HBS1L: variants seen among roughly 807,000 people sequenced by gnomAD.
The protein encoded by HBS1L is HBS1 like translational GTPase.
A neutral mutation model predicts 88.9 loss-of-function variants in HBS1L; 55 were observed. That is an observed-to-expected ratio of 0.62 (90% CI 0.50 to 0.77). HBS1L has a LOEUF of 0.77. HBS1L is among the 30% of genes least tolerant of loss of function. The pLI, the probability that HBS1L is intolerant of heterozygous loss-of-function variation, is 0.00. For synonymous variants in HBS1L, 267 were observed against 288.5 expected (o/e 0.93, Z 0.76); for missense variants, 741 against 829.3 (o/e 0.89, Z 1.31).
At chr6:135,048,308 T>C (rs1313860913) in intron 2 of HBS1L, among the ~76,000 whole-genome samples, 1 of 152,178 alleles carries the variant, frequency 6.6e-6, no homozygotes, top group Non-Finnish European at 1.5e-5. Context: ...CAGAACCAGC[T>C]TCAATTTGCC....
chr6:134,989,218 T>C (rs893111302), intron 8 of HBS1L, among the ~76,000 whole-genome samples: 6 of 152,222 alleles, frequency 3.9e-5, no homozygotes, highest in African/African-American at 1.4e-4. Flanking sequence ...TTCTTATCAA[T>C]TATTTCTGTC....
chr6:135,054,673 C>A lies in HBS1L; in HGVS notation c.19G>T (p.Val7Phe). 6.2e-7 allele frequency: 1 copy of A among 1,614,272 alleles called. No homozygotes were observed. Residue 7 changes from valine to phenylalanine, a missense_variant, in exon 1 of 18, where the codon GTT becomes TTT. Physicochemically the swap from Val to Phe is conservative, Grantham distance 50. This residue lies in a region of HBS1L where 556 missense variants were observed against 598.4 expected (regional missense o/e 0.93). Transcript: ENST00000367837. ...CCTTCATCGTAGTTATAGCCTCGAA[C>A]ATTCCGATGCCGGGCCATGACGGCG... is the stretch of plus-strand genomic sequence containing the variant. MARHRN[V>F]RGYNYDEDFE...
rs1208390209 is a variant in HBS1L, at chr6:134,961,598, T to A, written c.*3681A>T. ...ATGGGTGACTGTTGCTTCTTTCCTT[T>A]CCTCCCACCCACAACATAAAAATTA... On this transcript the variant is annotated 3_prime_UTR_variant, in exon 18 of 18. Transcript: ENST00000367837. The A allele has an allele frequency of 6.6e-6, 1 of 152,066 alleles. No individual in the cohort carries two copies. The highest frequency in any genetic ancestry group is 1.5e-5 in the Non-Finnish European group (1 of 68,020). 9.4% of individuals were successfully genotyped at this position (152,066 alleles called of 1,614,324 possible).
rs969836520 is a variant in HBS1L, at chr6:135,042,055, G to A, written c.181C>T (p.Leu61=). 6.2e-7 allele frequency: 1 copy of A among 1,612,642 alleles called. No homozygotes were observed. The highest frequency in any genetic ancestry group is 1.7e-5 in the Admixed American group (1 of 59,986). ...GAAACAGAATTGGAAGATTCTTTCA[G>A]ATCTTCATAATCATATTCTTCCACA... ...EPVEEYDYED[L]KESSNSVSNH... The change falls in exon 3 of 18, where the codon CTG becomes TTG. Residue 61 remains leucine, a synonymous_variant. Coordinates refer to ENST00000367837, the MANE Select transcript of HBS1L (RefSeq NM_006620.4).
At chr6:135,003,172 T>C (rs1245188335) in intron 4 of HBS1L, among the ~76,000 whole-genome samples, 1 of 152,146 alleles carries the variant, frequency 6.6e-6, no homozygotes, top group African/African-American at 2.4e-5. Context: ...ACCTAGACCC[T>C]ATACCTCCCT....
At chr6:135,015,618 G>C (rs565054446) in intron 4 of HBS1L, among the ~76,000 whole-genome samples, 1 of 152,210 alleles carries the variant, frequency 6.6e-6, no homozygotes, top group African/African-American at 2.4e-5. Flanking sequence ...GTCTCGTTCT[G>C]TTGCCCAGGC....
chr6:134,971,488 A>G (rs2114749879), intron 15 of HBS1L, among the ~76,000 whole-genome samples: 1 of 152,318 alleles, frequency 6.6e-6, no homozygotes, highest in Non-Finnish European at 1.5e-5. Flanking sequence ...AAGTTCTTCT[A>G]CCCTTGGTGA....
intron 2 of HBS1L, among the ~76,000 whole-genome samples, chr6:135,045,306 T>G (rs1491001876): frequency 6.6e-6 from 1 of 152,238 alleles, no homozygotes; most frequent in Non-Finnish European, 1.5e-5. Flanking sequence ...CAAACTTTGA[T>G]GGAAGTGCCT....
At chr6:135,018,137 G>A (rs2114849792) in intron 4 of HBS1L, among the ~76,000 whole-genome samples, 1 of 151,928 alleles carries the variant, frequency 6.6e-6, no homozygotes, top group South Asian at 2.1e-4. Flanking sequence ...AGAAATCAGT[G>A]CTAAATTTCC....
At chr6:134,988,982 C>T (rs1345489939) in intron 8 of HBS1L, among the ~76,000 whole-genome samples, 3 of 152,148 alleles carry the variant, frequency 2.0e-5, no homozygotes, top group African/African-American at 7.2e-5. Flanking sequence ...CCTGTGTGGA[C>T]CATCTTGTGA....
chr6:135,001,510 C>A (rs1188833208), intron 5 of HBS1L, among the ~76,000 whole-genome samples: 1 of 151,602 alleles, frequency 6.6e-6, no homozygotes, highest in South Asian at 2.1e-4. Flanking sequence ...TGTAAAAATC[C>A]CATAATAGAA....
At chr6:134,975,110 G>A (rs951948565) in intron 15 of HBS1L, among the ~76,000 whole-genome samples, 1 of 152,020 alleles carries the variant, frequency 6.6e-6, no homozygotes, top group East Asian at 1.9e-4. Context: ...CACCAACAAC[G>A]ATCAAGCTGA....
At chr6:135,037,605 TA>T in intron 4 of HBS1L, 1 of 1,548,034 alleles carries the variant, frequency 6.5e-7, no homozygotes, top group South Asian at 1.2e-5. Flanking sequence ...TTATGGTCTT[TA>T]AATCTGGTAT....
intron 4 of HBS1L, among the ~76,000 whole-genome samples, chr6:135,016,960 G>A (rs1436983223): frequency 6.6e-6 from 1 of 152,166 alleles, no homozygotes; most frequent in Non-Finnish European, 1.5e-5. Context: ...ATGCTGACAA[G>A]TGTTCTCTCA....
chr6:134,969,105 C>T lies in HBS1L; in HGVS notation c.1898+133G>A, dbSNP rs977120302. On this transcript the variant is annotated intron_variant, in intron 16 of 17. Coordinates refer to ENST00000367837, the MANE Select transcript of HBS1L (RefSeq NM_006620.4). ...TTTTTATGTTTGTTTTAATCTAGCC[C>T]TTGAAAAAATAATTTCTGGAACAAG... 6.3e-6 allele frequency: 4 copies of T among 635,190 alleles called. No homozygotes were observed. In the East Asian group the frequency reaches 1.1e-4, roughly 18 times the overall value. The allele number at this position is 635,190 out of a possible 1,614,324, so 39.3% of individuals were successfully genotyped here. A position where few individuals can be genotyped will look rare whatever the true frequency, so the allele number is the denominator to read the frequency against.
chr6:134,977,873 TAA>T (rs907411699), intron 15 of HBS1L, among the ~76,000 whole-genome samples: 2 of 152,004 alleles, frequency 1.3e-5, no homozygotes, highest in African/African-American at 4.8e-5. Context: ...ACAAAAACTA[TAA>T]GAGTACGGTC....
rs546589091 is a variant in HBS1L at position 134,965,213 on chromosome 6, C to T, written c.*66G>A. On this transcript the variant is annotated 3_prime_UTR_variant, in exon 18 of 18. Coordinates refer to ENST00000367837, the MANE Select transcript of HBS1L (RefSeq NM_006620.4). ...GCACATTGTTCCTTTGACTTAATAA[C>T]TGCATTCTTGAAACAGAGGTTAGCT... is the stretch of plus-strand genomic sequence containing the variant. 5.5e-6 allele frequency: 7 copies of T among 1,269,756 alleles called. No individual in the cohort carries two copies. In the Admixed American group the frequency reaches 1.0e-4, roughly 19 times the overall value. The allele number at this position is 1,269,756 out of a possible 1,614,324, so 78.7% of individuals were successfully genotyped here. A position where few individuals can be genotyped will look rare whatever the true frequency, so the allele number is the denominator to read the frequency against.
chr6:135,026,649 A>G (rs150734997), intron 4 of HBS1L, among the ~76,000 whole-genome samples: 126 of 152,306 alleles, frequency 8.3e-4, no homozygotes, highest in African/African-American at 2.9e-3. Context: ...AAAAGAAGGG[A>G]TGAATAAAAC....
chr6:134,991,031 A>C (rs1427991033), intron 8 of HBS1L, among the ~76,000 whole-genome samples: 2 of 150,966 alleles, frequency 1.3e-5, no homozygotes, highest in Non-Finnish European at 2.9e-5. Flanking sequence ...ATAAGTAATC[A>C]ATGAAAAAAA....
Sources: allele counts gnomAD v4.1 joint callset (sites outside exome capture counted in the v4.1 genomes callset), GRCh38; gene constraint gnomAD v4.1.1; regional missense constraint gnomAD v4.1.1; transcripts MANE v1.5; gene names NCBI Gene and HGNC (gene_info 2026-07-23, HGNC 2026-07-21).